PCDHA1: variants seen among roughly 807,000 people sequenced by gnomAD.
PCDHA1 encodes the protein protocadherin alpha 1.
A neutral mutation model predicts 61.3 loss-of-function variants in PCDHA1; 42 were observed. The observed-to-expected ratio is 0.69, with a 90% CI of 0.54 to 0.89. PCDHA1 has a LOEUF of 0.89. Among genes scored for constraint, PCDHA1 ranks in the 40% least tolerant of loss-of-function variants. PCDHA1 has a pLI of 0.00. For synonymous variants in PCDHA1, 610 were observed against 553.8 expected, an observed-to-expected ratio of 1.10 and a Z score of -1.43; for missense variants, 1,256 against 1,235.3, an observed-to-expected ratio of 1.02 and a Z score of -0.25.
chr5:140,895,561 T>C (rs1011627715), intron 1 of PCDHA1, among the ~76,000 whole-genome samples: 2 of 152,240 alleles, frequency 1.3e-5, no homozygotes, highest in Non-Finnish European at 2.9e-5. Flanking sequence ...TCTTTATATA[T>C]TCTAGATGCA....
At chr5:140,914,654 T>C (rs2076794688) in intron 1 of PCDHA1, among the ~76,000 whole-genome samples, 1 of 152,202 alleles carries the variant, frequency 6.6e-6, no homozygotes, top group Non-Finnish European at 1.5e-5. Flanking sequence ...CTCTCCCTTC[T>C]TTCCATCTTC....
intron 1 of PCDHA1, chr5:140,809,370 C>G: frequency 6.2e-7 from 1 of 1,614,004 alleles, no homozygotes; most frequent in Non-Finnish European, 8.5e-7. Context: ...GCGCTGCCCA[C>G]CGAGGGCGCG....
chr5:140,882,375 C>T (rs879994353), intron 1 of PCDHA1: 1 of 1,614,212 alleles, frequency 6.2e-7, no homozygotes, highest in Non-Finnish European at 8.5e-7. Context: ...TACTCCGTCC[C>T]CGAGGAAGCA....
chr5:140,883,606 C>T (rs782093980), intron 1 of PCDHA1: 1 of 1,613,942 alleles, frequency 6.2e-7, no homozygotes, highest in South Asian at 1.1e-5. Flanking sequence ...TGGGGGTGGC[C>T]GACGTGAACG....
chr5:140,902,290 A>G (rs1252691615), intron 1 of PCDHA1, among the ~76,000 whole-genome samples: 1 of 146,394 alleles, frequency 6.8e-6, no homozygotes, highest in Non-Finnish European at 1.5e-5. Context: ...CTCCTGCCTC[A>G]GCCTCCCAAA....
At chr5:140,856,666 G>A (rs782273873) in intron 1 of PCDHA1, 1 of 1,598,010 alleles carries the variant, frequency 6.3e-7, no homozygotes, top group Admixed American at 1.7e-5. Flanking sequence ...AAAATCCTCA[G>A]CTAAAGTTGT....
At chr5:140,822,019 A>G (rs1427056714) in intron 1 of PCDHA1, 3 of 1,614,052 alleles carry the variant, frequency 1.9e-6, no homozygotes, top group African/African-American at 1.3e-5. Flanking sequence ...GCAGAATGGC[A>G]TTTTGTTTGT....
At chr5:140,841,181 C>A (rs1777072934) in intron 1 of PCDHA1, 2 of 1,156,492 alleles carry the variant, frequency 1.7e-6, no homozygotes, top group Non-Finnish European at 2.4e-6. Flanking sequence ...GGTCAATGTT[C>A]AAAGTCTTTT....
At position 140,929,057 on chromosome 5, in the gene PCDHA1, C is replaced by G. The variant is rs17844370; in HGVS notation, c.2395-49892C>G. The stretch of plus-strand genomic sequence containing the variant: ...TGCGCTCAGAGCTGCTGTCGCTCTA[C>G]AGAGGATCTGAGGTATGGAAGTAAG... On this transcript the variant is annotated intron_variant, in intron 1 of 3. Coordinates refer to ENST00000504120, the MANE Select transcript of PCDHA1 (RefSeq NM_018900.4). 3 of 1,614,070 alleles carry G rather than the reference C, an allele frequency of 1.9e-6. No individual in the cohort carries two copies. The African/African-American group carries it at 4.0e-5, about 22-fold the overall frequency.
At chr5:140,905,211 G>T (rs1554191947) in intron 1 of PCDHA1, among the ~76,000 whole-genome samples, 1 of 152,130 alleles carries the variant, frequency 6.6e-6, no homozygotes, top group South Asian at 2.1e-4. Context: ...GTTGATTTTT[G>T]TGTAAGGTGA....
At chr5:140,992,186 A>G (rs1436291226) in intron 3 of PCDHA1, among the ~76,000 whole-genome samples, 1 of 152,166 alleles carries the variant, frequency 6.6e-6, no homozygotes, top group East Asian at 1.9e-4. Context: ...TCATGCTTTC[A>G]GTGATCTATC....
chr5:140,801,208 C>T (rs1762653723), intron 1 of PCDHA1: 1 of 1,604,024 alleles, frequency 6.2e-7, no homozygotes, highest in Non-Finnish European at 8.5e-7. Context: ...ATGTTGTTCT[C>T]CTGGCGAGAA....
intron 1 of PCDHA1, chr5:140,828,014 T>C: frequency 6.6e-7 from 1 of 1,509,628 alleles, no homozygotes; most frequent in Non-Finnish European, 8.9e-7. Context: ...AGAAATGGAT[T>C]AATAAATTCC....
intron 1 of PCDHA1, chr5:140,927,197 A>G: frequency 6.2e-7 from 1 of 1,614,150 alleles, no homozygotes; most frequent in African/African-American, 1.3e-5. Flanking sequence ...CTGGTGCTCG[A>G]GGACCCGCTG....
At chr5:140,967,279 T>A in intron 1 of PCDHA1, 1 of 1,613,002 alleles carries the variant, frequency 6.2e-7, no homozygotes, top group Non-Finnish European at 8.5e-7. Context: ...ACATAGAGAG[T>A]GCGCAGGACC....
chr5:140,923,206 A>G (rs2081227659), intron 1 of PCDHA1, among the ~76,000 whole-genome samples: 1 of 152,172 alleles, frequency 6.6e-6, no homozygotes, highest in South Asian at 2.1e-4. Flanking sequence ...TTGGGAGGCT[A>G]AGGTGAAAGG....
chr5:140,953,050 A>C (rs1169479924), intron 1 of PCDHA1, among the ~76,000 whole-genome samples: 1 of 152,122 alleles, frequency 6.6e-6, no homozygotes, highest in African/African-American at 2.4e-5. Flanking sequence ...TGATCCAATC[A>C]CCTCTCACAG....
Position 140,853,937 on chromosome 5 carries a change from G to T in PCDHA1, c.2394+65253G>T, listed in dbSNP as rs367556947. The T allele has an allele frequency of 1.7e-4, 142 of 835,446 alleles. 8 individuals carry two copies. The highest frequency in any genetic ancestry group is 1.9e-4 in the Non-Finnish European group (128 of 679,266). 51.8% of individuals were successfully genotyped at this position (835,446 alleles called of 1,614,324 possible). A position where few individuals can be genotyped will look rare whatever the true frequency, so the allele number is the denominator to read the frequency against. On this transcript the variant is annotated intron_variant, in intron 1 of 3. Coordinates refer to ENST00000504120, the MANE Select transcript of PCDHA1 (RefSeq NM_018900.4). ...CAATCCCAACATTTTGGGAGGCCAA[G>T]GTGGGAGGGTCCCTTCCTTGAGCCC...
chr5:140,875,438 T>A, intron 1 of PCDHA1: 1 of 1,568,134 alleles, frequency 6.4e-7, no homozygotes, highest in Non-Finnish European at 8.6e-7. Flanking sequence ...CCCTTAAAAC[T>A]GATTGTCCCA....
Sources: gnomAD v4.1 joint callset for allele counts (sites outside exome capture counted in the v4.1 genomes callset) on GRCh38, gnomAD v4.1.1 for gene constraint, MANE v1.5 for transcripts, NCBI Gene and HGNC (gene_info 2026-07-23, HGNC 2026-07-21) for gene names.